The following TBXA2R variants were observed in gnomAD, a reference collection of about 807,000 sequenced individuals.
The protein encoded by TBXA2R is thromboxane A2 receptor, also known as prostanoid TP receptor.
TBXA2R carries 15 observed loss-of-function variants against 15.6 expected under a neutral mutation model. That is an observed-to-expected ratio of 0.96 (90% CI 0.64 to 1.48). The LOEUF is 1.48. TBXA2R is among the 40% of genes most tolerant of loss of function. The pLI, the probability that TBXA2R is intolerant of heterozygous loss-of-function variation, is 0.00. For missense variants in TBXA2R, 506 were observed against 491.4 expected (o/e 1.03, Z -0.28); for synonymous variants, 280 against 241.2 (o/e 1.16, Z -1.49).
At position 3,595,902 on chromosome 19, in the gene TBXA2R, G is replaced by A. The variant is rs770256562; in HGVS notation, c.818C>T (p.Pro273Leu). 5.6e-6 allele frequency: 9 copies of A among 1,602,914 alleles called. No individual in the cohort carries two copies. The African/African-American group carries it at 6.7e-5, about 12-fold the overall frequency. The change falls in exon 3 of 3, where the codon CCG (proline) becomes CTG (leucine). Residue 273 changes from proline to leucine, a missense_variant. Transcript: ENST00000375190. ...CTGCCCGGCGGGGCTCATGGCAGGC[G>A]GGTTTCGCAGCACTGTCTGGGCGAT... ...VFIAQTVLRN[P>L]PAMSPAGQLS... is the part of the protein sequence containing the mutation.
At chr19:3,599,766 C>T (rs1403737948) in intron 2 of TBXA2R, 83 bp downstream of exon 2, 1 of 1,541,264 alleles carries the variant, frequency 6.5e-7, no homozygotes, top group Non-Finnish European at 8.8e-7. Flanking sequence ...CGCGCCCGGT[C>T]CCACCATCAG....
chr19:3,595,758 G>A lies in TBXA2R; in HGVS notation c.962C>T (p.Pro321Leu). The A allele has an allele frequency of 6.2e-7, 1 of 1,607,834 alleles. No individual in the cohort carries two copies. The highest frequency in any genetic ancestry group is 8.5e-7 in the Non-Finnish European group (1 of 1,177,828). The change falls in exon 3 of 3, where the codon CCT (proline) becomes CTT (leucine). Residue 321 changes from proline (P) to leucine (L), a missense_variant. Coordinates refer to ENST00000375190, the MANE Select transcript of TBXA2R (RefSeq NM_001060.6). ...CGACCTGGGCCGGGTGCTGAGGCGA[G>A]GCTGGAGACGCCGGAGCACGGCGCG... ...FRRAVLRRLQ[P>L]RLSTRPRSLS...
intron 1 of TBXA2R, among the ~76,000 whole-genome samples, chr19:3,606,145 T>C (rs1353701944): frequency 6.6e-6 from 1 of 151,610 alleles, no homozygotes; most frequent in Non-Finnish European, 1.5e-5. Flanking sequence ...CCATGCATGG[T>C]TCACTCCCAG....
intron 2 of TBXA2R, 101 bp from the exon 3 acceptor site, chr19:3,596,034 T>C (rs2032598429): frequency 2.8e-6 from 4 of 1,431,030 alleles, no homozygotes; most frequent in Non-Finnish European, 3.8e-6. Flanking sequence ...CTCCGTTTTT[T>C]AATTTTATTT....
chr19:3,599,729 A>G (rs2032679386), intron 2 of TBXA2R, 120 bp downstream of exon 2: 3 of 1,429,580 alleles, frequency 2.1e-6, no homozygotes, highest in East Asian at 5.0e-5. Flanking sequence ...AGCCTCCCAG[A>G]GTTCTGGGAT....
At chr19:3,598,344 TCTTTTC>T (rs1599871143) in intron 2 of TBXA2R, among the ~76,000 whole-genome samples, 2 of 128,170 alleles carry the variant, frequency 1.6e-5, no homozygotes, top group East Asian at 3.9e-4. Context: ...TTCTTTCTTT[TCTTTTC>T]TTTTTTTTTT....
At position 3,594,770 on chromosome 19, in the gene TBXA2R, C is replaced by T; in HGVS notation, c.*918G>A. 1.4e-6 allele frequency: 2 copies of T among 1,421,746 alleles called. No individual in the cohort carries two copies. Among genetic ancestry groups the T allele is most frequent in the Admixed American group, 2.1e-5 (1 of 46,932 alleles). 88.1% of individuals were successfully genotyped at this position (1,421,746 alleles called of 1,614,324 possible). The stretch of plus-strand genomic sequence containing the variant: ...TCCAGAGATTGAAAACTTCTGGACC[C>T]AAAGGAAAATAAAACCAAAGGCAGA... On this transcript the variant is annotated 3_prime_UTR_variant, in exon 3 of 3. Coordinates refer to ENST00000375190, the MANE Select transcript of TBXA2R (RefSeq NM_001060.6).
chr19:3,596,724 G>A (rs2032611126), intron 2 of TBXA2R, among the ~76,000 whole-genome samples: 1 of 150,360 alleles, frequency 6.7e-6, no homozygotes, highest in African/African-American at 2.5e-5. Context: ...TGGGACTACA[G>A]GCGCCCACCA....
At chr19:3,605,931 A>G (rs2032825587) in intron 1 of TBXA2R, among the ~76,000 whole-genome samples, 1 of 152,094 alleles carries the variant, frequency 6.6e-6, no homozygotes, top group Non-Finnish European at 1.5e-5. Context: ...ACACATAGGC[A>G]CACAGGCAGA....
chr19:3,603,423 C>T (rs962039656), intron 1 of TBXA2R, among the ~76,000 whole-genome samples: 11 of 152,186 alleles, frequency 7.2e-5, no homozygotes, highest in Non-Finnish European at 1.0e-4. Context: ...CGGCCTCTGG[C>T]GATCGTTGCC....
At chr19:3,598,589 T>C (rs2032648872) in intron 2 of TBXA2R, among the ~76,000 whole-genome samples, 1 of 151,902 alleles carries the variant, frequency 6.6e-6, no homozygotes, top group South Asian at 2.1e-4. Context: ...TGACCTCAGG[T>C]GATCCGCCTG....
At chr19:3,603,530 G>A (rs1358866376) in intron 1 of TBXA2R, among the ~76,000 whole-genome samples, 2 of 152,192 alleles carry the variant, frequency 1.3e-5, no homozygotes, top group East Asian at 3.8e-4. Context: ...GGTATGTGCT[G>A]TTTCTGGACA....
chr19:3,595,855 C>G lies in TBXA2R; in HGVS notation c.865G>C (p.Glu289Gln). 6.2e-7 allele frequency: 1 copy of G among 1,611,186 alleles called. No homozygotes were observed. The highest frequency in any genetic ancestry group is 8.5e-7 in the Non-Finnish European group (1 of 1,179,092). Residue 289 changes from glutamate (E) to glutamine (Q), a missense_variant, in exon 3 of 3, where the codon GAG (glutamate) becomes CAG (glutamine). Physicochemically the swap from Glu to Gln is conservative, Grantham distance 29 (BLOSUM62 2). Transcript: ENST00000375190. ...GCCACGCGCAAGTAGATGAGCAGCTCCTTCTCCGTGGTGCGGGACAGCTGC... is the reference window on the plus strand; with the variant it reads ...GCCACGCGCAAGTAGATGAGCAGCTGCTTCTCCGTGGTGCGGGACAGCTGC... ...AGQLSRTTEK[E>Q]LLIYLRVATW...
In TBXA2R at chr19:3,600,544, C is replaced by G; in HGVS notation, c.91G>C (p.Ala31Pro). Residue 31 changes from alanine (A) to proline (P), a missense_variant, in exon 2 of 3, where the codon GCC (alanine) becomes CCC (proline). Transcript: ENST00000375190. Reference protein sequence around the residue: ...ERRLIASPWFAASFCVVGLAS... With the variant: ...ERRLIASPWFPASFCVVGLAS... ...AGGCCCACCACGCAGAAGGAGGCGG[C>G]GAACCAGGGCGAGGCGATCAGCCGT... 5 of 1,611,724 alleles carry G rather than the reference C, an allele frequency of 3.1e-6. No homozygotes were observed. The highest frequency in any genetic ancestry group is 4.2e-6 in the Non-Finnish European group (5 of 1,178,868).
In TBXA2R at chr19:3,600,212, C is replaced by A; in HGVS notation, c.423G>T (p.Pro141=). The A allele has an allele frequency of 6.2e-7, 1 of 1,604,542 alleles. No individual in the cohort carries two copies. Among genetic ancestry groups the A allele is most frequent in the Admixed American group, 1.7e-5 (1 of 59,072 alleles). Residue 141 remains proline (P), a synonymous_variant, in exon 2 of 3, where the codon CCG becomes CCT. Transcript: ENST00000375190. ...AGGCGCGGCGCTGCGAGGCGACCGCCGGGCGCGAGAAGGGCCGGGTGATAC... is the reference window on the plus strand; with the variant it reads ...AGGCGCGGCGCTGCGAGGCGACCGCAGGGCGCGAGAAGGGCCGGGTGATAC... The part of the protein sequence containing the change: ...YLGITRPFSR[P]AVASQRRAWA...
At position 3,600,290 on chromosome 19, in the gene TBXA2R, G is replaced by A. The variant is rs778554076; in HGVS notation, c.345C>T (p.Phe115=). Residue 115 remains phenylalanine (F), a synonymous_variant, in exon 2 of 3, where the codon TTC becomes TTT. Transcript: ENST00000375190. ...CCCCCAGCAGCAGCGGGGACAGGCC[G>A]AAGAAGATCATGACGACGCCCATGA... ...CRFMGVVMIF[F]GLSPLLLGAA... 4 of 1,612,752 alleles carry A rather than the reference G, an allele frequency of 2.5e-6. No homozygotes were observed. The highest frequency in any genetic ancestry group is 3.4e-6 in the Non-Finnish European group (4 of 1,179,714).
chr19:3,597,892 C>T (rs2032633516), intron 2 of TBXA2R: 1 of 152,278 alleles, frequency 6.6e-6, no homozygotes, highest in African/African-American at 2.4e-5. Context: ...TGAGATCGCA[C>T]CACTGCACTC....
chr19:3,600,346 C>G lies in TBXA2R; in HGVS notation c.289G>C (p.Ala97Pro). Residue 97 changes from alanine (A) to proline (P), a missense_variant, in exon 2 of 3, where the codon GCC becomes CCC. Physicochemically the swap from Ala to Pro is conservative, Grantham distance 27. Coordinates refer to ENST00000375190, the MANE Select transcript of TBXA2R (RefSeq NM_001060.6). ...CAGAGACGGCAGCCAGGGTCCACGG[C>G]GTGCCACTCGAAGAGCGCGGCGTGC... Reference protein sequence around the residue: ...SQHAALFEWHAVDPGCRLCRF... With the variant: ...SQHAALFEWHPVDPGCRLCRF... The G allele has an allele frequency of 6.8e-6, 11 of 1,613,260 alleles. No individual in the cohort carries two copies. The highest frequency in any genetic ancestry group is 9.3e-6 in the Non-Finnish European group (11 of 1,179,832).
intron 2 of TBXA2R, 145 bp from the exon 3 acceptor site, chr19:3,596,078 G>T (rs55726021): frequency 0.021 from 22,471 of 1,061,892 alleles, 307 homozygotes; most frequent in South Asian, 0.026. Context: ...GTCCAGGCTG[G>T]AGTGCAGTGG....
Sources: allele counts gnomAD v4.1 joint callset (sites outside exome capture counted in the v4.1 genomes callset), GRCh38; gene constraint gnomAD v4.1.1; transcripts MANE v1.5; gene names NCBI Gene and HGNC (gene_info 2026-07-23, HGNC 2026-07-21).